The following ALOX5 variants were observed in gnomAD, a reference collection of about 807,000 sequenced individuals.
The protein encoded by ALOX5 is polyunsaturated fatty acid 5-lipoxygenase.
Under a neutral mutation model 87.9 loss-of-function variants are expected in ALOX5, and 64 were observed. That is an observed-to-expected ratio of 0.73 (90% CI 0.60 to 0.90). The LOEUF is 0.90. Ranked by LOEUF, ALOX5 falls within the 40% of genes least tolerant of loss-of-function variation. The pLI is 0.00. For synonymous variants in ALOX5, 388 were observed against 355.1 expected (o/e 1.09, Z -1.04); for missense variants, 822 against 907.5 (o/e 0.91, Z 1.21).
chr10:45,411,632 G>A (rs934864365), intron 3 of ALOX5, among the ~76,000 whole-genome samples: 2 of 152,210 alleles, frequency 1.3e-5, no homozygotes, highest in African/African-American at 4.8e-5. Context: ...GCAGGTGAGA[G>A]AGGGAAGCCT....
intron 4 of ALOX5, among the ~76,000 whole-genome samples, chr10:45,422,080 AT>A (rs1841524927): frequency 6.6e-6 from 1 of 152,236 alleles, no homozygotes; most frequent in African/African-American, 2.4e-5. Context: ...ATGGAAGGGG[AT>A]TGCTGTTCTG....
intron 2 of ALOX5, among the ~76,000 whole-genome samples, chr10:45,386,045 A>G (rs1839995557): frequency 6.6e-6 from 1 of 152,152 alleles, no homozygotes; most frequent in South Asian, 2.1e-4. Flanking sequence ...TCTACAAAAA[A>G]AATTGAAAAT....
chr10:45,442,201 T>C (rs1228799626), intron 9 of ALOX5, among the ~76,000 whole-genome samples: 1 of 152,206 alleles, frequency 6.6e-6, no homozygotes, highest in African/African-American at 2.4e-5. Flanking sequence ...TGGCTCCCTC[T>C]TTCTGTCTCT....
At chr10:45,395,834 C>T in intron 2 of ALOX5, 21 bp from the exon 3 acceptor site, 1 of 1,610,536 alleles carries the variant, frequency 6.2e-7, no homozygotes, top group Non-Finnish European at 8.5e-7. Context: ...AGGCTCCTCT[C>T]ATGTTGTTCT....
At chr10:45,375,135 A>G (rs1839552213) in intron 1 of ALOX5, among the ~76,000 whole-genome samples, 1 of 152,210 alleles carries the variant, frequency 6.6e-6, no homozygotes, top group Non-Finnish European at 1.5e-5. Flanking sequence ...ATTAAAGGGA[A>G]GGAACAGAAC....
intron 9 of ALOX5, among the ~76,000 whole-genome samples, chr10:45,442,439 C>T (rs1220238932): frequency 6.6e-6 from 1 of 152,250 alleles, no homozygotes; most frequent in Non-Finnish European, 1.5e-5. Flanking sequence ...TTCAAAACCT[C>T]TGTGGCACCG....
chr10:45,435,017 G>A (rs1842019406), intron 7 of ALOX5, among the ~76,000 whole-genome samples: 1 of 152,196 alleles, frequency 6.6e-6, no homozygotes. Context: ...ACAAATTTAA[G>A]AAACACAAAT....
chr10:45,423,987 T>G, intron 4 of ALOX5, 54 bp from the exon 5 acceptor site: 4 of 1,424,260 alleles, frequency 2.8e-6, no homozygotes, highest in Non-Finnish European at 4.0e-6. Flanking sequence ...GAAGGGGCTC[T>G]GCAGAGGGAG....
chr10:45,392,980 A>G (rs1840346715), intron 2 of ALOX5, among the ~76,000 whole-genome samples: 1 of 152,164 alleles, frequency 6.6e-6, no homozygotes, highest in Non-Finnish European at 1.5e-5. Flanking sequence ...CAACCCAGAA[A>G]AGTTCAGGAC....
intron 4 of ALOX5, among the ~76,000 whole-genome samples, chr10:45,422,253 T>C (rs1371702851): frequency 6.6e-6 from 1 of 152,168 alleles, no homozygotes. Context: ...CACCAAGCCC[T>C]GTGTCCCATC....
chr10:45,430,816 C>T (rs557743653), intron 7 of ALOX5, among the ~76,000 whole-genome samples: 2 of 152,236 alleles, frequency 1.3e-5, no homozygotes, highest in African/African-American at 2.4e-5. Context: ...AGCTGAGTCT[C>T]ACCCAGCCAC....
Position 45,388,053 on chromosome 10 carries a change from G to A in ALOX5, c.349+5372G>A, listed in dbSNP as rs903013830. The stretch of plus-strand genomic sequence containing the variant: ...TTTCCTAGCCAAGGGAAGTGGTGAC[G>A]GACAGCACCTGGAAAATTGGGTCAC... On this transcript the variant is annotated intron_variant, in intron 2 of 13. Transcript: ENST00000374391. Among the ~76,000 whole-genome samples the A allele has an allele frequency of 7.2e-5, 11 of 152,296 alleles. No homozygotes were observed. In the East Asian group the frequency reaches 9.7e-4, roughly 13 times the overall value.
intron 2 of ALOX5, among the ~76,000 whole-genome samples, chr10:45,391,425 C>T (rs546285099): frequency 1.2e-3 from 190 of 152,284 alleles, no homozygotes; most frequent in Non-Finnish European, 1.5e-3. Context: ...GGTGCAGTGG[C>T]GTGATCTCGG....
At chr10:45,444,740 C>T (rs1217838781) in intron 13 of ALOX5, 1 of 163,840 alleles carries the variant, frequency 6.1e-6, no homozygotes, top group African/African-American at 2.4e-5. Context: ...ACCAGTCCAA[C>T]CTGCTCCAGA....
rs1430321240 is a variant in ALOX5 at position 45,382,349 on chromosome 10, G to GT, written c.151-127dup. Reference sequence around the variant, plus strand: ...AATGTCAGAGTATCTTGCACCTGCTGTTTTTTTAAGTGCTTTTCATTCAAC... The same window carrying GT: ...AATGTCAGAGTATCTTGCACCTGCTGTTTTTTTTAAGTGCTTTTCATTCAAC... On this transcript the variant is annotated intron_variant, in intron 1 of 13. Coordinates refer to ENST00000374391, the MANE Select transcript of ALOX5 (RefSeq NM_000698.5). The GT allele has an allele frequency of 2.8e-4, 250 of 901,032 alleles. 1 individual carries two copies. Among genetic ancestry groups the GT allele is most frequent in the Non-Finnish European group, 4.1e-4 (237 of 579,848 alleles). The allele number at this position is 901,032 out of a possible 1,614,324, so 55.8% of individuals were successfully genotyped here.
chr10:45,441,360 T>C lies in ALOX5; in HGVS notation c.1202T>C (p.Val401Ala). 6.2e-7 allele frequency: 1 copy of C among 1,602,802 alleles called. No homozygotes were observed. The highest frequency in any genetic ancestry group is 1.1e-5 in the South Asian group (1 of 90,828). Residue 401 changes from valine to alanine, a missense_variant, in exon 9 of 14, where the codon GTG becomes GCG. Coordinates refer to ENST00000374391, the MANE Select transcript of ALOX5 (RefSeq NM_000698.5). ...HPIFKLLVAH[V>A]RFTIAINTKA... ...CCTCCCCAGCTGCTGGTGGCACACG[T>C]GAGATTCACCATTGCAATCAACACC...
chr10:45,390,128 C>A (rs1357311393), intron 2 of ALOX5, among the ~76,000 whole-genome samples: 1 of 152,216 alleles, frequency 6.6e-6, no homozygotes, highest in African/African-American at 2.4e-5. Context: ...ATCAATTCAA[C>A]AAGAAGAGCT....
chr10:45,423,944 C>T (rs1014471789), intron 4 of ALOX5, 97 bp from the exon 5 acceptor site: 26 of 918,380 alleles, frequency 2.8e-5, no homozygotes, highest in East Asian at 4.8e-5. Context: ...CTGGAGGGGG[C>T]GGGGGTTGTG....
intron 8 of ALOX5, 148 bp downstream of exon 8, chr10:45,440,781 C>T: frequency 2.3e-6 from 2 of 867,798 alleles, no homozygotes; most frequent in South Asian, 3.5e-5. Flanking sequence ...TCAGTAATGC[C>T]CCTAAAGGAA....
Sources: gnomAD v4.1 joint callset for allele counts (sites outside exome capture counted in the v4.1 genomes callset) on GRCh38, gnomAD v4.1.1 for gene constraint, MANE v1.5 for transcripts, NCBI Gene and HGNC (gene_info 2026-07-23, HGNC 2026-07-21) for gene names.